Variants in RDH10 observed in about 807,000 individuals in gnomAD.
The protein encoded by RDH10 is retinol dehydrogenase 10 (all-trans).
A neutral mutation model predicts 30.2 loss-of-function variants in RDH10; 12 were observed. That is an observed-to-expected ratio of 0.40 (90% confidence interval 0.25 to 0.64). RDH10 has a LOEUF of 0.64. Among genes scored for constraint, RDH10 ranks in the 30% least tolerant of loss-of-function variants. The pLI is 0.43. For missense variants in RDH10, 268 were observed against 445.2 expected (o/e 0.60, Z 3.58); for synonymous variants, 189 against 172.2 (o/e 1.10, Z -0.76).
At chr8:73,303,304 T>C (rs1251265396) in intron 2 of RDH10, among the ~76,000 whole-genome samples, 1 of 152,186 alleles carries the variant, frequency 6.6e-6, no homozygotes, top group Non-Finnish European at 1.5e-5. Context: ...GATTTACTGG[T>C]TTTTAATCTC....
At chr8:73,297,479 G>T in intron 2 of RDH10, 50 bp downstream of exon 2, 1 of 1,345,528 alleles carries the variant, frequency 7.4e-7, no homozygotes, top group Non-Finnish European at 1.1e-6. Context: ...TTAATGAGAA[G>T]GTTGGGAAGG....
intron 2 of RDH10, 36 bp downstream of exon 2, chr8:73,297,465 C>T (rs1316345531): frequency 6.9e-7 from 1 of 1,456,072 alleles, no homozygotes; most frequent in Non-Finnish European, 9.6e-7. Flanking sequence ...TTGCTGGGCC[C>T]TCCTTAATGA....
At chr8:73,313,661 G>T (rs553838892) in intron 2 of RDH10, among the ~76,000 whole-genome samples, 2 of 152,190 alleles carry the variant, frequency 1.3e-5, no homozygotes, top group East Asian at 3.9e-4. Context: ...TAAACTTCCT[G>T]TTTCATATAT....
chr8:73,314,722 G>A (rs1027521980), intron 2 of RDH10, among the ~76,000 whole-genome samples: 5 of 152,280 alleles, frequency 3.3e-5, no homozygotes, highest in African/African-American at 7.2e-5. Flanking sequence ...AGTTCCCTCC[G>A]CGCAGCTCTT....
chr8:73,316,929 C>T (rs551315321), intron 2 of RDH10, among the ~76,000 whole-genome samples: 46 of 152,280 alleles, frequency 3.0e-4, no homozygotes, highest in African/African-American at 1.1e-3. Flanking sequence ...CTCCCATGAT[C>T]CAGTCACCTC....
chr8:73,307,610 A>G (rs902926344), intron 2 of RDH10, among the ~76,000 whole-genome samples: 1 of 152,208 alleles, frequency 6.6e-6, no homozygotes, highest in Non-Finnish European at 1.5e-5. Context: ...ACAAACCCAG[A>G]GAGGTGAAGG....
At chr8:73,305,031 A>G (rs907672072) in intron 2 of RDH10, among the ~76,000 whole-genome samples, 1 of 152,210 alleles carries the variant, frequency 6.6e-6, no homozygotes, top group Non-Finnish European at 1.5e-5. Context: ...CTGCCCAAAT[A>G]AAATCAATCT....
chr8:73,317,468 G>A (rs1255172186), intron 2 of RDH10, among the ~76,000 whole-genome samples: 2 of 147,556 alleles, frequency 1.4e-5, no homozygotes, highest in African/African-American at 4.8e-5. Flanking sequence ...CTCAAACAGG[G>A]TGTGAGTTGG....
intron 4 of RDH10, chr8:73,321,646 TG>T: frequency 2.7e-6 from 1 of 367,066 alleles, no homozygotes; most frequent in South Asian, 2.0e-5. Flanking sequence ...AGGAGGTATA[TG>T]GGAATATAAA....
chr8:73,295,823 AG>A, intron 1 of RDH10: 1 of 1,133,206 alleles, frequency 8.8e-7, no homozygotes, highest in Non-Finnish European at 1.1e-6. Context: ...CGGCGGGGGG[AG>A]GGGGCGGGTT....
chr8:73,300,090 T>A (rs1814349081), intron 2 of RDH10, among the ~76,000 whole-genome samples: 1 of 152,208 alleles, frequency 6.6e-6, no homozygotes. Flanking sequence ...GGTAATGACG[T>A]CACTTTGTAT....
rs916930797 is a variant in RDH10 at position 73,321,060 on chromosome 8, C to T, written c.753C>T (p.Phe251=). Residue 251 remains phenylalanine (F), a synonymous_variant, in exon 4 of 6, where the codon TTC becomes TTT. Coordinates refer to ENST00000240285, the MANE Select transcript of RDH10 (RefSeq NM_172037.5). ...VCPYLVDTGM[F]RGCRIRKEIE... is the part of the protein sequence containing the mutation. ...CTTATCTTGTAGACACTGGCATGTT[C>T]AGAGGCTGCCGAATCAGGTCAGTGA... 19 of 1,613,494 alleles carry T rather than the reference C, an allele frequency of 1.2e-5. No individual in the cohort carries two copies. Among genetic ancestry groups the T allele is most frequent in the Non-Finnish European group, 1.5e-5 (18 of 1,179,638 alleles).
At chr8:73,312,887 C>G (rs765237711) in intron 2 of RDH10, 1 of 152,184 alleles carries the variant, frequency 6.6e-6, no homozygotes, top group South Asian at 2.1e-4. Context: ...CAAAACGATT[C>G]TTTTAAAAGA....
Position 73,322,731 on chromosome 8 carries a change from C to T in RDH10, c.823C>T (p.Gln275Ter). ...TCTGAAGCCTGATTACTGTGTGAAG[C>T]AGGCCATGAAGGCCATCCTCACTGA... ...PPLKPDYCVKQAMKAILTDQP... is the reference protein window; with the variant it reads ...PPLKPDYCVK The change falls in exon 5 of 6, where the codon CAG becomes TAG. Residue 275 changes from glutamine to a stop codon, truncating the protein, a stop_gained. Coordinates refer to ENST00000240285, the MANE Select transcript of RDH10 (RefSeq NM_172037.5). LOFTEE classifies it high-confidence loss of function. 6.2e-7 allele frequency: 1 copy of T among 1,613,822 alleles called. No individual in the cohort carries two copies. The highest frequency in any genetic ancestry group is 8.5e-7 in the Non-Finnish European group (1 of 1,179,688).
intron 2 of RDH10, among the ~76,000 whole-genome samples, chr8:73,301,902 A>G (rs541238929): frequency 6.6e-6 from 1 of 151,954 alleles, no homozygotes; most frequent in African/African-American, 2.4e-5. Context: ...ATGTGTTCTG[A>G]TTTTTACTAT....
At position 73,304,020 on chromosome 8, in the gene RDH10, T is replaced by C. The variant is rs141852310; in HGVS notation, c.525+6591T>C. ...CTAACCTAAATGAAAAAAACAGCAATGCTCCCCTCATTGCCAAATCCAGTG... is the reference window on the plus strand; with the variant it reads ...CTAACCTAAATGAAAAAAACAGCAACGCTCCCCTCATTGCCAAATCCAGTG... On this transcript the variant is annotated intron_variant, in intron 2 of 5. Coordinates refer to ENST00000240285, the MANE Select transcript of RDH10 (RefSeq NM_172037.5). 1.4e-4 allele frequency among the ~76,000 whole-genome samples: 21 copies of C among 152,290 alleles called. No individual in the cohort carries two copies. In the East Asian group the frequency reaches 4.0e-3, roughly 29 times the overall value.
intron 4 of RDH10, chr8:73,321,666 T>C: frequency 2.7e-6 from 1 of 376,278 alleles, no homozygotes. Flanking sequence ...AATGTCAAGT[T>C]ACATCTGACT....
intron 2 of RDH10, among the ~76,000 whole-genome samples, chr8:73,307,037 T>A (rs867941671): frequency 1.3e-5 from 2 of 152,240 alleles, no homozygotes; most frequent in Middle Eastern, 3.2e-3. Flanking sequence ...TGCAGTCTCT[T>A]GGGAAAGAGA....
At chr8:73,309,107 C>T (rs1285098527) in intron 2 of RDH10, among the ~76,000 whole-genome samples, 1 of 152,106 alleles carries the variant, frequency 6.6e-6, no homozygotes, top group African/African-American at 2.4e-5. Context: ...CTGAGCTAAC[C>T]AGCCCTTTAG....
Sources: gnomAD v4.1 joint callset for allele counts (sites outside exome capture counted in the v4.1 genomes callset) on GRCh38, gnomAD v4.1.1 for gene constraint, MANE v1.5 for transcripts, NCBI Gene and HGNC (gene_info 2026-07-23, HGNC 2026-07-21) for gene names.